UVRAG: variants seen among roughly 807,000 people sequenced by gnomAD.
UVRAG encodes UV radiation resistance-associated gene protein.
Under a neutral mutation model 78.0 loss-of-function variants are expected in UVRAG, and 19 were observed. The observed-to-expected ratio is 0.24, with a 90% CI of 0.17 to 0.36. The LOEUF (loss-of-function observed/expected upper bound fraction) is 0.36, where lower values mean the gene tolerates loss of function less well. UVRAG is among the 10% of genes least tolerant of loss of function. The pLI is 1.00. For missense variants in UVRAG, 740 were observed against 853.8 expected (o/e 0.87, Z 1.66); for synonymous variants, 323 against 324.6 (o/e 1.00, Z 0.05).
chr11:76,127,808 T>G (rs1952437196), intron 14 of UVRAG, among the ~76,000 whole-genome samples: 1 of 151,784 alleles, frequency 6.6e-6, no homozygotes, highest in African/African-American at 2.4e-5. Flanking sequence ...AATACAAAAA[T>G]TAGCCGGACG....
chr11:75,877,626 C>T (rs1946827538), intron 3 of UVRAG, among the ~76,000 whole-genome samples: 2 of 144,596 alleles, frequency 1.4e-5, no homozygotes, highest in Admixed American at 1.3e-4. Context: ...CCCCACCTCC[C>T]TCCCGGACGG....
chr11:76,017,927 A>G (rs1292827905), intron 12 of UVRAG, among the ~76,000 whole-genome samples: 4 of 152,216 alleles, frequency 2.6e-5, no homozygotes, highest in Non-Finnish European at 1.5e-5. Context: ...ATGGAAATAC[A>G]GTACAGAACA....
chr11:75,915,212 C>G (rs1947824593), intron 6 of UVRAG: 1 of 152,132 alleles, frequency 6.6e-6, no homozygotes, highest in African/African-American at 2.4e-5. Context: ...CCACTGCACT[C>G]CAGCCTGGGT....
rs1177075507 is a variant in UVRAG at position 75,815,485 on chromosome 11, T to C, written c.78T>C (p.Ser26=). The change falls in exon 1 of 15, where the codon TCT becomes TCC. Residue 26 remains serine (S), a synonymous_variant. Transcript: ENST00000356136. ...PGPAAALPPG[S]AARALHVELP... ...CGGCCGCTGCTCTGCCTCCCGGTTCTGCCGCGCGGGCCCTGCATGTGGAGC... is the reference window on the plus strand; with the variant it reads ...CGGCCGCTGCTCTGCCTCCCGGTTCCGCCGCGCGGGCCCTGCATGTGGAGC... 3 of 1,244,242 alleles carry C rather than the reference T, an allele frequency of 2.4e-6. No homozygotes were observed. Among genetic ancestry groups the C allele is most frequent in the Non-Finnish European group, 3.0e-6 (3 of 993,952 alleles). 77.1% of individuals were successfully genotyped at this position (1,244,242 alleles called of 1,614,324 possible).
chr11:76,082,819 C>T (rs1951522480), intron 13 of UVRAG, among the ~76,000 whole-genome samples: 1 of 152,060 alleles, frequency 6.6e-6, no homozygotes, highest in South Asian at 2.1e-4. Context: ...CACTTGAGCC[C>T]AGGAGTTCAA....
intron 3 of UVRAG, among the ~76,000 whole-genome samples, chr11:75,878,882 C>T (rs554100146): frequency 1.4e-5 from 1 of 72,856 alleles, no homozygotes; most frequent in Non-Finnish European, 2.5e-5. Context: ...CGTGGGGAGA[C>T]GGGACAGGGA....
chr11:76,102,715 T>A (rs1379193511), intron 13 of UVRAG, among the ~76,000 whole-genome samples: 1 of 152,196 alleles, frequency 6.6e-6, no homozygotes, highest in Non-Finnish European at 1.5e-5. Flanking sequence ...TTGTCATAGA[T>A]GGTTCTTATT....
At chr11:76,000,443 C>A (rs1264590143) in intron 8 of UVRAG, among the ~76,000 whole-genome samples, 7 of 151,612 alleles carry the variant, frequency 4.6e-5, no homozygotes, top group Admixed American at 6.6e-5. Flanking sequence ...TCAACACACA[C>A]AAAAAAACTT....
At chr11:76,119,279 C>G (rs957076772) in intron 14 of UVRAG, among the ~76,000 whole-genome samples, 21 of 152,146 alleles carry the variant, frequency 1.4e-4, no homozygotes, top group African/African-American at 4.8e-4. Context: ...TCTAGCTTCT[C>G]CATGGCCCCA....
At chr11:75,883,986 T>C (rs1947015036) in intron 4 of UVRAG, among the ~76,000 whole-genome samples, 1 of 152,138 alleles carries the variant, frequency 6.6e-6, no homozygotes, top group South Asian at 2.1e-4. Flanking sequence ...TAATGGTAAA[T>C]GTATGTTGAA....
In UVRAG at chr11:76,140,630, C is replaced by T. The variant is rs1952699893; in HGVS notation, c.1398-81C>T. On this transcript the variant is annotated intron_variant, in intron 14 of 14. Coordinates refer to ENST00000356136, the MANE Select transcript of UVRAG (RefSeq NM_003369.4). ...TTTTATTAGCTCAGACCTAAGTATG[C>T]TGTTCCCTGTCTCTGGATCCAGAAG... 4 of 1,337,480 alleles carry T rather than the reference C, an allele frequency of 3.0e-6. No homozygotes were observed. In the Admixed American group the frequency reaches 7.0e-5, roughly 23 times the overall value. The allele number at this position is 1,337,480 out of a possible 1,614,324, so 82.9% of individuals were successfully genotyped here.
chr11:75,910,763 G>A (rs539660315), intron 5 of UVRAG, among the ~76,000 whole-genome samples: 6 of 152,156 alleles, frequency 3.9e-5, no homozygotes, highest in African/African-American at 1.4e-4. Context: ...AAATGACAGA[G>A]ATACCTATTC....
At chr11:75,844,039 C>T (rs923954078) in intron 1 of UVRAG, among the ~76,000 whole-genome samples, 1 of 150,966 alleles carries the variant, frequency 6.6e-6, no homozygotes, top group Non-Finnish European at 1.5e-5. Flanking sequence ...ATGTTATGAT[C>T]GGGAGAATAT....
intron 2 of UVRAG, among the ~76,000 whole-genome samples, chr11:75,859,484 G>A (rs12287106): frequency 0.22 from 32,669 of 151,190 alleles, 5,586 homozygotes; most frequent in African/African-American, 0.48. Flanking sequence ...AATAATTTTA[G>A]GTTTTGTTTT....
At chr11:75,902,836 T>G (rs891902737) in intron 5 of UVRAG, among the ~76,000 whole-genome samples, 1 of 152,216 alleles carries the variant, frequency 6.6e-6, no homozygotes, top group African/African-American at 2.4e-5. Context: ...AGTAGTTTCC[T>G]GGCGGACCTA....
chr11:75,859,797 A>G (rs1260707433), intron 2 of UVRAG, among the ~76,000 whole-genome samples: 1 of 152,222 alleles, frequency 6.6e-6, no homozygotes, highest in Non-Finnish European at 1.5e-5. Flanking sequence ...TGTTTGTCAT[A>G]TTAGAAATAA....
intron 1 of UVRAG, among the ~76,000 whole-genome samples, chr11:75,845,149 T>C (rs892637425): frequency 2.0e-5 from 3 of 152,200 alleles, no homozygotes; most frequent in African/African-American, 4.8e-5. Context: ...TAGGTTTTGA[T>C]TTTGTATGTT....
chr11:76,067,269 C>T (rs1951208434), intron 13 of UVRAG, among the ~76,000 whole-genome samples: 1 of 152,202 alleles, frequency 6.6e-6, no homozygotes, highest in African/African-American at 2.4e-5. Flanking sequence ...CTCTGACAGT[C>T]TCTGGCCCAT....
chr11:75,963,199 G>A lies in UVRAG; in HGVS notation c.699+1650G>A, dbSNP rs113492908. ...TCTCTCTAAGCTCTATAAGGCGAGG[G>A]GTTTTTGTCTCTCTCTCTTTTTTTA... On this transcript the variant is annotated intron_variant, in intron 7 of 14. Coordinates refer to ENST00000356136, the MANE Select transcript of UVRAG (RefSeq NM_003369.4). Among the ~76,000 whole-genome samples the A allele has an allele frequency of 5.2e-3, 789 of 152,154 alleles. 8 individuals carry two copies. Among genetic ancestry groups the A allele is most frequent in the African/African-American group, 0.018 (727 of 41,520 alleles).
Sources: allele counts gnomAD v4.1 joint callset (sites outside exome capture counted in the v4.1 genomes callset), GRCh38; gene constraint gnomAD v4.1.1; transcripts MANE v1.5; gene names NCBI Gene and HGNC (gene_info 2026-07-23, HGNC 2026-07-21).